The following TASOR2 variants were observed in gnomAD, a reference collection of about 807,000 sequenced individuals.
TASOR2 encodes the protein protein TASOR 2.
TASOR2 carries 84 observed loss-of-function variants against 199.5 expected under a neutral mutation model. The observed-to-expected ratio is 0.42, with a 90% CI of 0.35 to 0.50. The LOEUF (loss-of-function observed/expected upper bound fraction) is 0.50. Ranked by LOEUF, TASOR2 falls within the 20% of genes least tolerant of loss-of-function variation. The pLI is 0.02. For missense variants in TASOR2, 2,796 were observed against 2,835.9 expected, an observed-to-expected ratio of 0.99 and a Z score of 0.32; for synonymous variants, 1,103 against 1,046.6, an observed-to-expected ratio of 1.05 and a Z score of -1.04.
intron 1 of TASOR2, among the ~76,000 whole-genome samples, chr10:5,691,279 GAAA>G (rs1836398889): frequency 6.6e-6 from 1 of 151,994 alleles, no homozygotes; most frequent in Non-Finnish European, 1.5e-5. Context: ...AATGTAGGAG[GAAA>G]AAAATTGTGG....
At chr10:5,724,464 G>A (rs1191494534) in exon 8 of TASOR2, 2 of 1,538,928 alleles carry the variant, frequency 1.3e-6, no homozygotes, top group South Asian at 1.3e-5. Flanking sequence ...ATTTGTATGA[G>A]GTAGAACTGT....
At position 5,710,976 on chromosome 10, in the gene TASOR2, C is replaced by T. The variant is rs894956309; in HGVS notation, c.-287-1847C>T. Among the ~76,000 whole-genome samples, 7 of 152,076 alleles carry T rather than the reference C, an allele frequency of 4.6e-5. No individual in the cohort carries two copies. Among genetic ancestry groups the T allele is most frequent in the African/African-American group, 7.2e-5 (3 of 41,438 alleles). On this transcript the variant is annotated intron_variant, in intron 1 of 20. Transcript: ENST00000328090. The surrounding 1 kb of genome is among the most constrained non-coding windows in gnomAD (Gnocchi z 4.6). The stretch of plus-strand genomic sequence containing the variant: ...GCAGCTAATAAAGCTTTAATTTTAA[C>T]TCTTATAACTGGTGTTTTGCTATTT...
intron 11 of TASOR2, among the ~76,000 whole-genome samples, chr10:5,731,664 A>G (rs1045173810): frequency 6.6e-6 from 1 of 152,226 alleles, no homozygotes; most frequent in Non-Finnish European, 1.5e-5. Context: ...CTAATGCCTG[A>G]CAAGCTCTGA....
chr10:5,713,949 T>C (rs1832255638), intron 2 of TASOR2, 186 bp from the exon 3 acceptor site: 1 of 356,518 alleles, frequency 2.8e-6, no homozygotes, highest in Non-Finnish European at 5.0e-6. Context: ...GCCTGTAATC[T>C]CAGCATTTTG....
chr10:5,715,441 AG>A (rs1438913949), intron 2 of TASOR2, among the ~76,000 whole-genome samples: 1 of 152,112 alleles, frequency 6.6e-6, no homozygotes, highest in East Asian at 1.9e-4. Flanking sequence ...CTGCCTTTAT[AG>A]ATTTGTCTAT....
intron 1 of TASOR2, among the ~76,000 whole-genome samples, chr10:5,708,072 A>G (rs905869316): frequency 3.9e-5 from 6 of 152,220 alleles, no homozygotes; most frequent in African/African-American, 9.6e-5. Flanking sequence ...TTTGGGGGGA[A>G]AATGTGCTGT....
intron 17 of TASOR2, among the ~76,000 whole-genome samples, chr10:5,757,999 TATTAA>T (rs1372627314): frequency 1.3e-5 from 2 of 152,190 alleles, no homozygotes; most frequent in Non-Finnish European, 2.9e-5. Context: ...AGCAGCTCCA[TATTAA>T]ATTGTTTGCT....
rs902825611 is a variant in TASOR2 at position 5,754,171 on chromosome 10, G to A, written c.6607-2442G>A. Among the ~76,000 whole-genome samples, 9 of 152,116 alleles carry A rather than the reference G, an allele frequency of 5.9e-5. No homozygotes were observed. The highest frequency in any genetic ancestry group is 3.4e-3 in the Middle Eastern group (1 of 294). On this transcript the variant is annotated intron_variant, in intron 15 of 20. Transcript: ENST00000328090. The surrounding 1 kb of genome is among the most constrained non-coding windows in gnomAD (Gnocchi z 4.3). The stretch of plus-strand genomic sequence containing the variant: ...AATAAAAAAATTAGCCGGGTGTGGC[G>A]GCGCGCGCTTGTGGTACTCGGGAGG...
chr10:5,746,860 C>A, exon 15 of TASOR2: 1 of 1,614,226 alleles, frequency 6.2e-7, no homozygotes, highest in South Asian at 1.1e-5. Flanking sequence ...GGAGACGCCC[C>A]TTCCAGTCTC....
intron 17 of TASOR2, 122 bp downstream of exon 18, chr10:5,757,795 G>A (rs1253801490): frequency 2.0e-6 from 2 of 1,021,836 alleles, no homozygotes; most frequent in Non-Finnish European, 2.9e-6. Context: ...GCCCCCTACT[G>A]AGGCATAATT....
At chr10:5,727,310 C>G (rs1376451753) in intron 10 of TASOR2, among the ~76,000 whole-genome samples, 187 bp downstream of exon 11, 1 of 152,184 alleles carries the variant, frequency 6.6e-6, no homozygotes, top group Non-Finnish European at 1.5e-5. Flanking sequence ...GAGCCTCAGT[C>G]CCATATCTCC....
rs9971188 is a variant in TASOR2 at position 5,754,995 on chromosome 10, G to A, written c.6607-1618G>A. Among the ~76,000 whole-genome samples the A allele has an allele frequency of 0.68, 98,155 of 144,906 alleles. 33,489 individuals carry two copies. Among genetic ancestry groups the A allele is most frequent in the African/African-American group, 0.8 (31,182 of 39,062 alleles). ...CGGGAGGCAGAGCTTGCAGTGAGCC[G>A]AGATCGCGCCACTGCACTCCAGCCT... is the stretch of plus-strand genomic sequence containing the variant. On this transcript the variant is annotated intron_variant, in intron 15 of 20. Transcript: ENST00000328090. The surrounding 1 kb of genome is among the most constrained non-coding windows in gnomAD (Gnocchi z 4.3).
chr10:5,761,093 C>T, intron 18 of TASOR2, 197 bp from the exon 20 acceptor site: 1 of 534,828 alleles, frequency 1.9e-6, no homozygotes, highest in East Asian at 3.1e-5. Context: ...TAGAATGAGG[C>T]CCATGTTTAA....
chr10:5,741,128 A>T (rs1280693977), intron 13 of TASOR2, among the ~76,000 whole-genome samples: 1 of 152,188 alleles, frequency 6.6e-6, no homozygotes, highest in Non-Finnish European at 1.5e-5. Context: ...GATTTCACTG[A>T]ACTGCAGATT....
Position 5,740,461 on chromosome 10 carries a change from A to G in TASOR2, c.2291A>G (p.Asn764Ser), listed in dbSNP as rs532126337. The G allele has an allele frequency of 6.2e-7, 1 of 1,613,448 alleles. No individual in the cohort carries two copies. Among genetic ancestry groups the G allele is most frequent in the Non-Finnish European group, 8.5e-7 (1 of 1,180,036 alleles). The stretch of plus-strand genomic sequence containing the variant: ...AGTTTAGACAGCAAATATACCAACA[A>G]CCCACTGGAGAAAACTGTAGTAAGA... Residue 764 changes from asparagine (N) to serine (S), a missense_variant, in exon 13 of 21, where the codon AAC becomes AGC. Physicochemically the swap from Asn to Ser is conservative, Grantham distance 46. Around this residue, in one of 3 missense-constraint regions of TASOR2, gnomAD observed 847 missense variants for 887.4 expected, o/e 0.95. Coordinates refer to ENST00000328090, the Ensembl canonical transcript of TASOR2. This position sits in a 1 kb window ranked among gnomAD's most constrained non-coding sequence, Gnocchi z 5.3.
intron 17 of TASOR2, 98 bp downstream of exon 18, chr10:5,757,771 A>G: frequency 7.5e-7 from 1 of 1,340,150 alleles, no homozygotes; most frequent in Admixed American, 2.0e-5. Context: ...GATCAACTCT[A>G]AGGAATATCA....
In TASOR2 at chr10:5,761,107, CCA is replaced by C. The variant is rs1027131944; in HGVS notation, c.6993-180_6993-179del. On this transcript the variant is annotated intron_variant, in intron 18 of 20. Transcript: ENST00000328090. ...TTAGAATGAGGCCCATGTTTAAAATCCACATTTACAAAAGGAGTAGGTACAAT... is the reference window on the plus strand; with the variant it reads ...TTAGAATGAGGCCCATGTTTAAAATCCATTTACAAAAGGAGTAGGTACAAT... 6.7e-5 allele frequency: 37 copies of C among 550,942 alleles called. 1 individual carries two copies. Among genetic ancestry groups the C allele is most frequent in the Non-Finnish European group, 3.2e-6 (1 of 313,528 alleles). The allele number at this position is 550,942 out of a possible 1,614,324, so 34.1% of individuals were successfully genotyped here.
At chr10:5,708,457 A>G (rs965389830) in intron 1 of TASOR2, among the ~76,000 whole-genome samples, 1 of 151,966 alleles carries the variant, frequency 6.6e-6, no homozygotes, top group African/African-American at 2.4e-5. Context: ...ATACTCCTAC[A>G]CATTTATAGT....
At chr10:5,691,475 A>AT (rs1836419791) in intron 1 of TASOR2, among the ~76,000 whole-genome samples, 2 of 152,216 alleles carry the variant, frequency 1.3e-5, no homozygotes, top group Admixed American at 6.5e-5. Flanking sequence ...TCCAAAAAAA[A>AT]AGTTTTTAAA....
Sources: gnomAD v4.1 joint callset for allele counts (sites outside exome capture counted in the v4.1 genomes callset) on GRCh38, gnomAD v4.1.1 for gene constraint, gnomAD v4.1.1 regional missense constraint, Gnocchi (gnomAD v3.1) non-coding constraint, MANE v1.5 for transcripts, NCBI Gene and HGNC (gene_info 2026-07-23, HGNC 2026-07-21) for gene names.